Variants in NRXN3 observed in about 807,000 individuals in gnomAD.
NRXN3 encodes the protein neurexin III.
Under a neutral mutation model 137.6 loss-of-function variants are expected in NRXN3, and 32 were observed. The ratio of observed to expected loss-of-function variants is 0.23; its 90% CI spans 0.18 to 0.31. NRXN3 has a LOEUF of 0.31. NRXN3 is among the 10% of genes least tolerant of loss of function. The pLI is 1.00. For missense variants in NRXN3, 1,574 were observed against 2,062.5 expected, an observed-to-expected ratio of 0.76 and a Z score of 4.59; for synonymous variants, 798 against 784.5, an observed-to-expected ratio of 1.02 and a Z score of -0.29.
chr14:79,805,775 G>A (rs1047424396), intron 20 of NRXN3, among the ~76,000 whole-genome samples: 16 of 152,094 alleles, frequency 1.1e-4, no homozygotes, highest in African/African-American at 3.9e-4. Flanking sequence ...GAAAACTTGT[G>A]CAACAATATA....
At chr14:78,550,135 A>G (rs1015963) in intron 4 of NRXN3, among the ~76,000 whole-genome samples, 151,329 of 151,514 alleles carry the variant, frequency 1, 75,573 homozygotes, top group Middle Eastern at 1. Flanking sequence ...CCCAGGCTCA[A>G]GTGATCCTCC....
chr14:78,213,136 G>C (rs2062907972), intron 1 of NRXN3, among the ~76,000 whole-genome samples: 1 of 152,176 alleles, frequency 6.6e-6, no homozygotes, highest in African/African-American at 2.4e-5. Context: ...TGATAGTTTA[G>C]GATGGCTAGA....
intron 16 of NRXN3, among the ~76,000 whole-genome samples, chr14:79,660,391 G>A (rs2098527652): frequency 6.6e-6 from 1 of 152,086 alleles, no homozygotes; most frequent in Non-Finnish European, 1.5e-5. Flanking sequence ...TTACCATTGT[G>A]GGAAACAAAA....
chr14:79,602,020 T>G (rs1054012398), intron 16 of NRXN3, among the ~76,000 whole-genome samples: 3 of 152,192 alleles, frequency 2.0e-5, no homozygotes, highest in African/African-American at 7.2e-5. Context: ...TTATAAAAAG[T>G]CTGAATTCAT....
chr14:78,543,066 G>T (rs1280728234), intron 4 of NRXN3, among the ~76,000 whole-genome samples: 3 of 152,142 alleles, frequency 2.0e-5, no homozygotes, highest in Non-Finnish European at 4.4e-5. Flanking sequence ...GAGGGCCACT[G>T]TAGCCTCATA....
chr14:79,263,941 G>A (rs1330463448), intron 15 of NRXN3, among the ~76,000 whole-genome samples: 1 of 152,130 alleles, frequency 6.6e-6, no homozygotes, highest in Non-Finnish European at 1.5e-5. Context: ...TGCCAGATGA[G>A]CTTTAAGATT....
chr14:78,257,284 T>G (rs1055154808), intron 2 of NRXN3, among the ~76,000 whole-genome samples: 2 of 152,284 alleles, frequency 1.3e-5, no homozygotes, highest in African/African-American at 4.8e-5. Context: ...CATCTCTTTA[T>G]TGGAATAAGT....
At chr14:78,881,161 CTG>C (rs1596887353) in intron 10 of NRXN3, among the ~76,000 whole-genome samples, 2 of 151,830 alleles carry the variant, frequency 1.3e-5, no homozygotes, top group East Asian at 3.9e-4. Context: ...TCATGTGAAA[CTG>C]TAAGTCAGTT....
intron 15 of NRXN3, among the ~76,000 whole-genome samples, chr14:79,196,569 T>TG (rs1439982070): frequency 6.6e-6 from 1 of 151,516 alleles, no homozygotes; most frequent in East Asian, 2.0e-4. Flanking sequence ...ACATGCACTC[T>TG]GGGGGACACA....
At chr14:79,227,777 CCTTCCTTCCCT>C (rs1462802811) in intron 15 of NRXN3, among the ~76,000 whole-genome samples, 1 of 125,670 alleles carries the variant, frequency 8.0e-6, no homozygotes, top group East Asian at 2.5e-4. Context: ...TTCCTTCCTT[CCTTCCTTCCCT>C]CCTCCCTTCC....
rs569903345 is a variant in NRXN3 at position 78,568,550 on chromosome 14, A to G, written c.758-76570A>G. ...ATACCAGGTATCCCAGACTTTGGTA[A>G]TTTATGTATCAGGTTCACTATTTTC... On this transcript the variant is annotated intron_variant, in intron 4 of 20. Transcript: ENST00000335750. Among the ~76,000 whole-genome samples, 3 of 152,310 alleles carry G rather than the reference A, an allele frequency of 2.0e-5. 1 individual carries two copies. The South Asian group carries it at 6.2e-4, about 32-fold the overall frequency.
At chr14:79,756,659 T>C (rs1357428959) in intron 19 of NRXN3, among the ~76,000 whole-genome samples, 1 of 152,196 alleles carries the variant, frequency 6.6e-6, no homozygotes, top group Non-Finnish European at 1.5e-5. Flanking sequence ...TTTTCCAATC[T>C]AACTTTCTTA....
In NRXN3 at chr14:78,293,682, C is replaced by T. The variant is rs192743447; in HGVS notation, c.728-4149C>T. ...ACAGTATTGCAAAAATAATCTTCTT[C>T]AATAACATCTTCCTTGGGTTTTTCT... On this transcript the variant is annotated intron_variant, in intron 3 of 20. Coordinates refer to ENST00000335750, the MANE Select transcript of NRXN3 (RefSeq NM_001330195.2). Among the ~76,000 whole-genome samples the T allele has an allele frequency of 2.3e-3, 355 of 152,300 alleles. 2 individuals carry two copies. Among genetic ancestry groups the T allele is most frequent in the African/African-American group, 7.6e-3 (314 of 41,562 alleles).
chr14:79,190,486 G>A (rs755138078), intron 15 of NRXN3, among the ~76,000 whole-genome samples: 3 of 152,088 alleles, frequency 2.0e-5, no homozygotes, highest in Non-Finnish European at 4.4e-5. Flanking sequence ...TAATGGACAC[G>A]TAGTGGTTGC....
At chr14:79,296,225 AGAGT>A (rs777239717) in intron 15 of NRXN3, among the ~76,000 whole-genome samples, 3 of 152,150 alleles carry the variant, frequency 2.0e-5, no homozygotes, top group African/African-American at 2.4e-5. Flanking sequence ...ATGAAAAAAT[AGAGT>A]GAGTGGGCTG....
chr14:78,378,857 A>T lies in NRXN3; in HGVS notation c.757+80997A>T, dbSNP rs559179338. ...AACAAATAAATGATTCCATGAAAAG[A>T]ACAACAAAATTGACACAACTTTAGC... On this transcript the variant is annotated intron_variant, in intron 4 of 20. Coordinates refer to ENST00000335750, the MANE Select transcript of NRXN3 (RefSeq NM_001330195.2). Among the ~76,000 whole-genome samples, 3 of 152,316 alleles carry T rather than the reference A, an allele frequency of 2.0e-5. No homozygotes were observed. The South Asian group carries it at 6.2e-4, about 32-fold the overall frequency.
At chr14:79,360,813 A>G (rs567893792) in intron 15 of NRXN3, among the ~76,000 whole-genome samples, 1 of 152,356 alleles carries the variant, frequency 6.6e-6, no homozygotes, top group Non-Finnish European at 1.5e-5. Context: ...TAGCGAATTT[A>G]CCTAATCTTT....
intron 4 of NRXN3, among the ~76,000 whole-genome samples, chr14:78,414,868 G>A (rs1260247114): frequency 6.6e-6 from 1 of 152,112 alleles, no homozygotes; most frequent in Non-Finnish European, 1.5e-5. Context: ...TGACTCTTTG[G>A]ATTAATATAA....
At chr14:79,382,497 T>C (rs1252756769) in intron 15 of NRXN3, among the ~76,000 whole-genome samples, 1 of 152,110 alleles carries the variant, frequency 6.6e-6, no homozygotes, top group African/African-American at 2.4e-5. Context: ...GTCGGTTGTC[T>C]GTGATAAGCC....
Sources: gnomAD v4.1 joint callset for allele counts (sites outside exome capture counted in the v4.1 genomes callset) on GRCh38, gnomAD v4.1.1 for gene constraint, MANE v1.5 for transcripts, NCBI Gene and HGNC (gene_info 2026-07-23, HGNC 2026-07-21) for gene names.